HCN1: variants seen among roughly 807,000 people sequenced by gnomAD.
The protein encoded by HCN1 is hyperpolarization activated cyclic nucleotide gated potassium channel 1.
A neutral mutation model predicts 78.9 loss-of-function variants in HCN1; 13 were observed. The observed-to-expected ratio is 0.16, with a 90% CI of 0.11 to 0.26. The LOEUF is 0.26. Ranked by LOEUF, HCN1 falls within the 10% of genes least tolerant of loss-of-function variation. HCN1 has a pLI of 1.00. For missense variants in HCN1, 810 were observed against 1,154.3 expected, an observed-to-expected ratio of 0.70 and a Z score of 4.32; for synonymous variants, 552 against 455.5, an observed-to-expected ratio of 1.21 and a Z score of -2.70.
At chr5:45,473,134 A>AT in intron 2 of HCN1, among the ~76,000 whole-genome samples, 1 of 151,942 alleles carries the variant, frequency 6.6e-6, no homozygotes, top group Non-Finnish European at 1.5e-5. Flanking sequence ...TCTTATCAAA[A>AT]TTTTCAATAC....
rs767166082 is a variant in HCN1, at chr5:45,262,095, G to T, written c.2499C>A (p.Ser833Arg). The T allele has an allele frequency of 6.2e-7, 1 of 1,612,858 alleles. No homozygotes were observed. Among genetic ancestry groups the T allele is most frequent in the Non-Finnish European group, 8.5e-7 (1 of 1,179,216 alleles). ...PGTGLQAGGR[S>R]TVPQRVTLFR... ...AGAGGGTGACGCGCTGCGGGACAGTGCTCCTGCCCCCTGCCTGAAGGCCCG... is the reference window on the plus strand; with the variant it reads ...AGAGGGTGACGCGCTGCGGGACAGTTCTCCTGCCCCCTGCCTGAAGGCCCG... The change falls in exon 8 of 8, where the codon AGC becomes AGA. Residue 833 changes from serine (S) to arginine (R), a missense_variant. This residue lies in a region of HCN1 where 398 missense variants were observed against 381.3 expected (regional missense o/e 1.04). Coordinates refer to ENST00000303230, the MANE Select transcript of HCN1 (RefSeq NM_021072.4).
At chr5:45,602,280 T>C (rs1184550782) in intron 2 of HCN1, among the ~76,000 whole-genome samples, 1 of 152,044 alleles carries the variant, frequency 6.6e-6, no homozygotes, top group African/African-American at 2.4e-5. Flanking sequence ...GTAACTAAAT[T>C]AAAATGAAAT....
At chr5:45,451,895 G>T (rs1740926290) in intron 3 of HCN1, among the ~76,000 whole-genome samples, 1 of 151,950 alleles carries the variant, frequency 6.6e-6, no homozygotes, top group Non-Finnish European at 1.5e-5. Flanking sequence ...GATCACAGTA[G>T]CAAAGGGTAG....
At chr5:45,523,124 T>C (rs1001616675) in intron 2 of HCN1, among the ~76,000 whole-genome samples, 10 of 152,014 alleles carry the variant, frequency 6.6e-5, no homozygotes, top group Admixed American at 1.3e-4. Flanking sequence ...TTTTTTGTCC[T>C]TGTGATAGTT....
chr5:45,669,924 T>C lies in HCN1; in HGVS notation c.426-24316A>G, dbSNP rs1255519210. On this transcript the variant is annotated intron_variant, in intron 1 of 7. Coordinates refer to ENST00000303230, the MANE Select transcript of HCN1 (RefSeq NM_021072.4). ...TGAAATTTGATTATTCTTTTATTTA[T>C]TTAGATGAGTTTATGGTGTTTCCCA... 2.0e-5 allele frequency among the ~76,000 whole-genome samples: 3 copies of C among 151,718 alleles called. No homozygotes were observed. The East Asian group carries it at 5.8e-4, about 29-fold the overall frequency.
At chr5:45,451,192 A>G (rs1322132519) in intron 3 of HCN1, among the ~76,000 whole-genome samples, 1 of 152,104 alleles carries the variant, frequency 6.6e-6, no homozygotes, top group Non-Finnish European at 1.5e-5. Context: ...CTGTCTCTAC[A>G]TCTCTCATTT....
chr5:45,321,504 G>A (rs1047316456), intron 5 of HCN1, among the ~76,000 whole-genome samples: 1 of 151,710 alleles, frequency 6.6e-6, no homozygotes, highest in African/African-American at 2.4e-5. Flanking sequence ...AGCTTAGCAC[G>A]TAGAATTAAA....
rs559438209 is a variant in HCN1, at chr5:45,550,163, T to C, written c.850-88156A>G. Among the ~76,000 whole-genome samples, 438 of 152,174 alleles carry C rather than the reference T, an allele frequency of 2.9e-3. 2 individuals are homozygous for C. Among genetic ancestry groups the C allele is most frequent in the African/African-American group, 0.01 (417 of 41,508 alleles). The stretch of plus-strand genomic sequence containing the variant: ...CCATTACTGGTATATACCCAAAGGA[T>C]TATAAATCATGCTACTATAAAGACA... On this transcript the variant is annotated intron_variant, in intron 2 of 7. Transcript: ENST00000303230.
At chr5:45,475,398 A>T (rs886950248) in intron 2 of HCN1, among the ~76,000 whole-genome samples, 4 of 152,034 alleles carry the variant, frequency 2.6e-5, no homozygotes, top group Admixed American at 2.6e-4. Context: ...GTCTCCATTG[A>T]TATTGGATCT....
Position 45,347,076 on chromosome 5 carries a change from T to C in HCN1, c.1377+6024A>G, listed in dbSNP as rs184043731. Among the ~76,000 whole-genome samples, 467 of 152,346 alleles carry C rather than the reference T, an allele frequency of 3.1e-3. 1 individual carries two copies. Among genetic ancestry groups the C allele is most frequent in the African/African-American group, 0.011 (444 of 41,600 alleles). ...CAGACTGCCTCCCCAAGTGGGTCCC[T>C]GACCCCTGATCCCCGAACAGCCTAA... On this transcript the variant is annotated intron_variant, in intron 5 of 7. Coordinates refer to ENST00000303230, the MANE Select transcript of HCN1 (RefSeq NM_021072.4).
intron 2 of HCN1, among the ~76,000 whole-genome samples, chr5:45,611,998 T>G (rs889507557): frequency 1.3e-5 from 2 of 152,144 alleles, no homozygotes; most frequent in African/African-American, 4.8e-5. Context: ...ACAAACAAGT[T>G]TTCAGAGTTT....
chr5:45,292,715 C>T (rs896269945), intron 6 of HCN1, among the ~76,000 whole-genome samples: 2 of 151,810 alleles, frequency 1.3e-5, no homozygotes, highest in Admixed American at 1.3e-4. Flanking sequence ...GAATGGGATG[C>T]TTCACTACTT....
intron 6 of HCN1, among the ~76,000 whole-genome samples, chr5:45,289,532 A>C (rs1745331661): frequency 6.6e-6 from 1 of 152,084 alleles, no homozygotes; most frequent in South Asian, 2.1e-4. Flanking sequence ...AAGGAACTCA[A>C]AGTACTTTAT....
intron 5 of HCN1, among the ~76,000 whole-genome samples, chr5:45,333,297 T>C (rs1475509844): frequency 1.3e-5 from 2 of 151,898 alleles, no homozygotes; most frequent in East Asian, 1.9e-4. Flanking sequence ...TTCTGAGAAA[T>C]GTCTATTCAA....
At chr5:45,466,473 A>T (rs1401654538) in intron 2 of HCN1, among the ~76,000 whole-genome samples, 1 of 152,186 alleles carries the variant, frequency 6.6e-6, no homozygotes, top group Non-Finnish European at 1.5e-5. Context: ...AAATAAGATT[A>T]AGAAAATGGG....
intron 2 of HCN1, among the ~76,000 whole-genome samples, chr5:45,499,429 G>C (rs1277521680): frequency 6.6e-6 from 1 of 152,166 alleles, no homozygotes; most frequent in African/African-American, 2.4e-5. Flanking sequence ...GTGAGGCAAT[G>C]CCTCGCCCTG....
intron 3 of HCN1, among the ~76,000 whole-genome samples, chr5:45,424,966 C>G (rs1314803475): frequency 6.6e-6 from 1 of 152,080 alleles, no homozygotes; most frequent in Non-Finnish European, 1.5e-5. Context: ...GGGGTCATTT[C>G]TTATCAATCT....
chr5:45,291,236 T>TCA (rs2111885050), intron 6 of HCN1, among the ~76,000 whole-genome samples: 1 of 152,144 alleles, frequency 6.6e-6, no homozygotes, highest in Admixed American at 6.5e-5. Context: ...GACCTGTAGT[T>TCA]CATTAACTCT....
chr5:45,402,819 C>CCTTCCTTCCTTT (rs1739844056), intron 3 of HCN1, among the ~76,000 whole-genome samples: 1 of 123,816 alleles, frequency 8.1e-6, no homozygotes, highest in Non-Finnish European at 1.7e-5. Context: ...TTTCCTCCTT[C>CCTTCCTTCCTTT]CTTCCTTCCT....
Sources: gnomAD v4.1 joint callset for allele counts (sites outside exome capture counted in the v4.1 genomes callset) on GRCh38, gnomAD v4.1.1 for gene constraint, gnomAD v4.1.1 regional missense constraint, MANE v1.5 for transcripts, NCBI Gene and HGNC (gene_info 2026-07-23, HGNC 2026-07-21) for gene names.